Variants in COL21A1 observed in about 807,000 individuals in gnomAD.
COL21A1 encodes collagen type XXI alpha 1 chain, also known as collagen alpha-1(XXI) chain.
In COL21A1, 149 loss-of-function variants were observed where a neutral mutation model predicts 137.9. The observed-to-expected ratio is 1.08, with a 90% confidence interval of 0.95 to 1.24. COL21A1 has a LOEUF of 1.24. COL21A1 is among the 50% of genes most tolerant of loss of function. The pLI, the probability that COL21A1 is intolerant of heterozygous loss-of-function variation, is 0.00. For missense variants in COL21A1, 1,167 were observed against 1,158.4 expected (o/e 1.01, Z -0.11); for synonymous variants, 456 against 391.5 (o/e 1.16, Z -1.95).
intron 1 of COL21A1, among the ~76,000 whole-genome samples, chr6:56,192,776 G>T (rs920696485): frequency 3.9e-5 from 6 of 152,146 alleles, no homozygotes; most frequent in African/African-American, 9.7e-5. Flanking sequence ...AAGACAGTGT[G>T]GTGATTCCTC....
chr6:56,221,153 C>A (rs1159372544), intron 1 of COL21A1, among the ~76,000 whole-genome samples: 3 of 152,104 alleles, frequency 2.0e-5, no homozygotes, highest in African/African-American at 7.2e-5. Context: ...CAGCATCCTT[C>A]CACCCACCAG....
chr6:56,077,622 T>A (rs1582263027), intron 17 of COL21A1, 49 bp from the exon 18 acceptor site: 2 of 1,146,846 alleles, frequency 1.7e-6, no homozygotes, highest in East Asian at 2.6e-5. Context: ...TTGAAGACTT[T>A]ATCATTAAAG....
intron 1 of COL21A1, among the ~76,000 whole-genome samples, chr6:56,302,497 T>C (rs1764324866): frequency 6.6e-6 from 1 of 151,926 alleles, no homozygotes; most frequent in South Asian, 2.1e-4. Flanking sequence ...GAGCATTTTT[T>C]CATGTGTCTG....
chr6:56,277,040 T>C (rs985990076), intron 1 of COL21A1, among the ~76,000 whole-genome samples: 1 of 152,158 alleles, frequency 6.6e-6, no homozygotes, highest in Middle Eastern at 3.4e-3. Context: ...CAGGATGGTC[T>C]CAATCTCCTG....
chr6:56,332,587 C>T (rs943144658), intron 1 of COL21A1, among the ~76,000 whole-genome samples: 1 of 148,104 alleles, frequency 6.8e-6, no homozygotes. Flanking sequence ...ATAGCCCCCC[C>T]GCCCCCGCCA....
chr6:56,286,839 T>C (rs892248259), intron 1 of COL21A1, among the ~76,000 whole-genome samples: 1 of 152,216 alleles, frequency 6.6e-6, no homozygotes, highest in African/African-American at 2.4e-5. Flanking sequence ...CCTAACATTC[T>C]ATAGAAATAA....
intron 1 of COL21A1, among the ~76,000 whole-genome samples, chr6:56,319,613 T>C (rs1188719559): frequency 6.6e-6 from 1 of 152,172 alleles, no homozygotes; most frequent in African/African-American, 2.4e-5. Context: ...GTTGGCATTA[T>C]AGGCATGAGC....
At chr6:56,165,607 C>T (rs1247295614) in intron 7 of COL21A1, among the ~76,000 whole-genome samples, 1 of 152,160 alleles carries the variant, frequency 6.6e-6, no homozygotes, top group Non-Finnish European at 1.5e-5. Context: ...AACTATAGTG[C>T]TTAAACAGTT....
chr6:56,185,263 G>A lies in COL21A1; in HGVS notation c.-38-2607C>T, dbSNP rs10080450. On this transcript the variant is annotated intron_variant, in intron 1 of 29. Coordinates refer to ENST00000244728, the MANE Select transcript of COL21A1 (RefSeq NM_030820.4). ...CAATTAAAAAATAAATAATTAAAAA[G>A]TTAATTCTTTGGACAAATAAATATA... Among the ~76,000 whole-genome samples, 1,424 of 151,814 alleles carry A rather than the reference G, an allele frequency of 9.4e-3. 24 individuals carry two copies. Among genetic ancestry groups the A allele is most frequent in the African/African-American group, 0.031 (1,283 of 41,476 alleles).
intron 1 of COL21A1, among the ~76,000 whole-genome samples, chr6:56,317,966 A>T (rs1026117935): frequency 5.3e-5 from 8 of 152,178 alleles, no homozygotes; most frequent in African/African-American, 1.9e-4. Flanking sequence ...TTACAATTTG[A>T]CTCCAAGACA....
At chr6:56,254,606 A>C (rs1275527544) in intron 1 of COL21A1, among the ~76,000 whole-genome samples, 1 of 152,216 alleles carries the variant, frequency 6.6e-6, no homozygotes, top group African/African-American at 2.4e-5. Flanking sequence ...TTGTTTATAA[A>C]GCTCCCTTGG....
chr6:56,326,516 G>C (rs77270306), intron 1 of COL21A1, among the ~76,000 whole-genome samples: 2 of 151,716 alleles, frequency 1.3e-5, no homozygotes, highest in Admixed American at 1.3e-4. Flanking sequence ...TTAGACTCTC[G>C]AATCTTGCCA....
At chr6:56,309,885 C>G (rs1020192164) in intron 1 of COL21A1, among the ~76,000 whole-genome samples, 7 of 152,142 alleles carry the variant, frequency 4.6e-5, no homozygotes, top group African/African-American at 1.7e-4. Context: ...AATGAAAGGA[C>G]AGATCGATGC....
chr6:56,300,493 C>T (rs1294973009), intron 1 of COL21A1, among the ~76,000 whole-genome samples: 1 of 152,008 alleles, frequency 6.6e-6, no homozygotes, highest in Non-Finnish European at 1.5e-5. Flanking sequence ...GGGTAAATTG[C>T]TCATTCATTG....
At chr6:56,326,734 T>C (rs1238058268) in intron 1 of COL21A1, among the ~76,000 whole-genome samples, 1 of 152,014 alleles carries the variant, frequency 6.6e-6, no homozygotes, top group Non-Finnish European at 1.5e-5. Flanking sequence ...AGGAAGGAAA[T>C]TGTAGAAACC....
chr6:56,393,115 A>G (rs1442245191), intron 1 of COL21A1, among the ~76,000 whole-genome samples: 2 of 152,162 alleles, frequency 1.3e-5, no homozygotes, highest in African/African-American at 2.4e-5. Flanking sequence ...ACAGAGCTAT[A>G]GTAACCAAAA....
chr6:56,141,861 T>C, intron 11 of COL21A1, 23 bp from the exon 12 acceptor site: 1 of 1,612,380 alleles, frequency 6.2e-7, no homozygotes, highest in Non-Finnish European at 8.5e-7. Flanking sequence ...GAAAATAAAA[T>C]TTTGTTAATT....
intron 1 of COL21A1, among the ~76,000 whole-genome samples, chr6:56,279,129 G>A (rs892045899): frequency 6.6e-6 from 1 of 152,100 alleles, no homozygotes; most frequent in African/African-American, 2.4e-5. Flanking sequence ...TCTCCTTATA[G>A]TGAGTGAGTT....
At chr6:56,085,463 A>G (rs1768153722) in intron 17 of COL21A1, among the ~76,000 whole-genome samples, 1 of 152,124 alleles carries the variant, frequency 6.6e-6, no homozygotes, top group African/African-American at 2.4e-5. Flanking sequence ...TCATATTATC[A>G]TTTATGACAA....
Sources: allele counts gnomAD v4.1 joint callset (sites outside exome capture counted in the v4.1 genomes callset), GRCh38; gene constraint gnomAD v4.1.1; transcripts MANE v1.5; gene names NCBI Gene and HGNC (gene_info 2026-07-23, HGNC 2026-07-21).